The following INPP4A variants were observed in gnomAD, a reference collection of about 807,000 sequenced individuals.
INPP4A encodes inositol polyphosphate-4-phosphatase, type I, 107kD.
In INPP4A, 33 loss-of-function variants were observed where a neutral mutation model predicts 119.8. The observed-to-expected ratio is 0.28, with a 90% CI of 0.21 to 0.37. The LOEUF is 0.37. INPP4A is among the 10% of genes least tolerant of loss of function. The pLI, the probability that INPP4A is intolerant of heterozygous loss-of-function variation, is 1.00. For synonymous variants in INPP4A, 496 were observed against 500.7 expected, an observed-to-expected ratio of 0.99 and a Z score of 0.12; for missense variants, 956 against 1,289.9, an observed-to-expected ratio of 0.74 and a Z score of 3.97.
chr2:98,470,946 G>A (rs909528887), intron 1 of INPP4A, among the ~76,000 whole-genome samples: 1 of 152,126 alleles, frequency 6.6e-6, no homozygotes, highest in Non-Finnish European at 1.5e-5. Flanking sequence ...GATTACATGC[G>A]TGAGCCACCG....
chr2:98,471,684 T>C (rs1676040927), intron 1 of INPP4A, among the ~76,000 whole-genome samples: 1 of 152,212 alleles, frequency 6.6e-6, no homozygotes, highest in South Asian at 2.1e-4. Context: ...CTTTTAAAAT[T>C]CTTCATTTAA....
rs188698916 is a variant in INPP4A at position 98,482,024 on chromosome 2, A to G, written c.-166+36939A>G. On this transcript the variant is annotated intron_variant, in intron 1 of 24. Coordinates refer to ENST00000409851, the MANE Select transcript of INPP4A (RefSeq NM_001134225.2). ...AGTTTAGGCTCACACCTGTAATCCC[A>G]GTTTTTTGGGAAGCTGCAGTGGGAG... Among the ~76,000 whole-genome samples the G allele has an allele frequency of 1.8e-3, 272 of 152,316 alleles. 2 individuals are homozygous for G. The highest frequency in any genetic ancestry group is 6.2e-3 in the African/African-American group (258 of 41,558).
chr2:98,519,244 C>G (rs1475742780), intron 2 of INPP4A: 3 of 152,206 alleles, frequency 2.0e-5, no homozygotes, highest in Non-Finnish European at 4.4e-5. Context: ...TTGGAAAAAC[C>G]TGAAACACCT....
At chr2:98,460,100 CGTGTGT>C (rs3066275) in intron 1 of INPP4A, among the ~76,000 whole-genome samples, 155 of 147,096 alleles carry the variant, frequency 1.1e-3, no homozygotes, top group African/African-American at 3.1e-3. Context: ...GTTTGGTCAT[CGTGTGT>C]GTGTGTGTGT....
At chr2:98,549,689 C>A (rs530743863) in intron 13 of INPP4A, among the ~76,000 whole-genome samples, 1 of 152,246 alleles carries the variant, frequency 6.6e-6, no homozygotes, top group African/African-American at 2.4e-5. Flanking sequence ...TATGGCTGGG[C>A]CCTGCTGGAG....
At chr2:98,529,076 CAAAAA>C (rs200658332) in intron 4 of INPP4A, among the ~76,000 whole-genome samples, 2 of 94,918 alleles carry the variant, frequency 2.1e-5, no homozygotes, top group African/African-American at 4.1e-5. Flanking sequence ...GAGACTGTCT[CAAAAA>C]AAAAAAAAAA....
At position 98,568,556 on chromosome 2, in the gene INPP4A, CT is replaced by C; in HGVS notation, c.2421-14del. 1.3e-6 allele frequency: 2 copies of C among 1,490,578 alleles called. No homozygotes were observed. The highest frequency in any genetic ancestry group is 1.8e-6 in the Non-Finnish European group (2 of 1,081,118). 92.3% of individuals were successfully genotyped at this position (1,490,578 alleles called of 1,614,324 possible). A position where few individuals can be genotyped will look rare whatever the true frequency, so the allele number is the denominator to read the frequency against. The stretch of plus-strand genomic sequence containing the variant: ...GACATTAGCCAACTAATGGCATCCC[CT>C]ATAACCTCCCAAGGTTTGGCGATAC... On this transcript the variant is annotated splice_polypyrimidine_tract_variant and intron_variant, in intron 21 of 24. Transcript: ENST00000409851.
chr2:98,560,638 G>A (rs1315028549), intron 17 of INPP4A, among the ~76,000 whole-genome samples: 1 of 152,236 alleles, frequency 6.6e-6, no homozygotes, highest in African/African-American at 2.4e-5. Context: ...TGTACAAACA[G>A]TTGATCTTGG....
At position 98,565,769 on chromosome 2, in the gene INPP4A, A is replaced by G; in HGVS notation, c.2279+3A>G. ...CTGCCCGTCATCACAGGAAATCGGT[A>G]GAGTGTTGGTTTAAAATTCTCTGAG... On this transcript the variant is annotated splice_donor_region_variant and intron_variant, in intron 20 of 24. Coordinates refer to ENST00000409851, the MANE Select transcript of INPP4A (RefSeq NM_001134225.2). 2 of 1,611,134 alleles carry G rather than the reference A, an allele frequency of 1.2e-6. No homozygotes were observed. The highest frequency in any genetic ancestry group is 1.7e-6 in the Non-Finnish European group (2 of 1,179,032).
intron 1 of INPP4A, among the ~76,000 whole-genome samples, chr2:98,492,131 C>T (rs1022874814): frequency 1.3e-5 from 2 of 152,054 alleles, no homozygotes; most frequent in African/African-American, 2.4e-5. Context: ...TCACATGATC[C>T]GCGCGCCTCA....
In INPP4A at chr2:98,546,610, T is replaced by C. The variant is rs763967792; in HGVS notation, c.1079T>C (p.Ile360Thr). 5.0e-6 allele frequency: 8 copies of C among 1,613,604 alleles called. No individual in the cohort carries two copies. Among genetic ancestry groups the C allele is most frequent in the Non-Finnish European group, 6.8e-6 (8 of 1,179,556 alleles). The stretch of plus-strand genomic sequence containing the variant: ...GATCAGAACTACGACATCGTCACCA[T>C]TGGGGCGCCAGCAGCACACTGCCAA... The part of the protein sequence containing the change: ...GSDQNYDIVT[I>T]GAPAAHCQGF... Residue 360 changes from isoleucine (I) to threonine (T), a missense_variant, in exon 13 of 25, where the codon ATT becomes ACT. By Grantham distance (89) the Ile-to-Thr change is moderately conservative. Transcript: ENST00000409851. This position sits in a 1 kb window ranked among gnomAD's most constrained non-coding sequence, Gnocchi z 4.2.
At chr2:98,565,888 C>T (rs1270659674) in intron 20 of INPP4A, 122 bp downstream of exon 20, 20 of 1,507,478 alleles carry the variant, frequency 1.3e-5, no homozygotes, top group African/African-American at 4.2e-5. Context: ...TGATTACAGC[C>T]CCCTAGGTTA....
intron 24 of INPP4A, among the ~76,000 whole-genome samples, chr2:98,587,270 G>A (rs966606701): frequency 3.3e-5 from 5 of 152,166 alleles, no homozygotes; most frequent in African/African-American, 1.2e-4. Context: ...GCCCCACGCA[G>A]CATGTGTCCA....
At chr2:98,460,412 G>T (rs1029219927) in intron 1 of INPP4A, among the ~76,000 whole-genome samples, 1 of 152,162 alleles carries the variant, frequency 6.6e-6, no homozygotes, top group Non-Finnish European at 1.5e-5. Flanking sequence ...GGCAGGGCCA[G>T]ATCACCCGGG....
At chr2:98,535,887 GA>G in intron 6 of INPP4A, 42 bp downstream of exon 6, 1 of 1,005,796 alleles carries the variant, frequency 9.9e-7, no homozygotes, top group Non-Finnish European at 1.5e-6. Context: ...TCTTCCCTTT[GA>G]AAAAATTATA....
chr2:98,553,192 A>C (rs748487860), intron 14 of INPP4A, among the ~76,000 whole-genome samples: 1 of 152,228 alleles, frequency 6.6e-6, no homozygotes, highest in Non-Finnish European at 1.5e-5. Flanking sequence ...CATGACTCTT[A>C]GGTGCAGCTT....
intron 1 of INPP4A, among the ~76,000 whole-genome samples, chr2:98,471,951 A>G (rs960519586): frequency 6.6e-6 from 1 of 152,174 alleles, no homozygotes; most frequent in Non-Finnish European, 1.5e-5. Context: ...GTTGCCATTG[A>G]CTGTGATGTT....
chr2:98,518,515 G>A (rs891590990), intron 1 of INPP4A, among the ~76,000 whole-genome samples: 1 of 152,240 alleles, frequency 6.6e-6, no homozygotes, highest in Non-Finnish European at 1.5e-5. Flanking sequence ...AGCATTGTGG[G>A]AACTCAGTGG....
intron 1 of INPP4A, among the ~76,000 whole-genome samples, chr2:98,497,546 T>C (rs1218041144): frequency 6.6e-6 from 1 of 152,250 alleles, no homozygotes; most frequent in Non-Finnish European, 1.5e-5. Context: ...TTTGCACATC[T>C]TCTTTTGGGA....
Sources: gnomAD v4.1 joint callset for allele counts (sites outside exome capture counted in the v4.1 genomes callset) on GRCh38, gnomAD v4.1.1 for gene constraint, Gnocchi (gnomAD v3.1) non-coding constraint, MANE v1.5 for transcripts, NCBI Gene and HGNC (gene_info 2026-07-23, HGNC 2026-07-21) for gene names.